Variants in B4GALT5 observed in about 807,000 individuals in gnomAD.
The protein encoded by B4GALT5 is beta-1,4-galactosyltransferase 5.
B4GALT5 carries 11 observed loss-of-function variants against 45.0 expected under a neutral mutation model. The ratio of observed to expected loss-of-function variants is 0.24; its 90% CI spans 0.15 to 0.40. The LOEUF (loss-of-function observed/expected upper bound fraction) is 0.40, where lower values mean the gene tolerates loss of function less well. Ranked by LOEUF, B4GALT5 falls within the 10% of genes least tolerant of loss-of-function variation. The probability of loss-of-function intolerance (pLI) is 1.00; values close to 1 mark genes in which losing one functional copy is unlikely to be tolerated. For synonymous variants in B4GALT5, 185 were observed against 182.9 expected (o/e 1.01, Z -0.09); for missense variants, 337 against 500.2 (o/e 0.67, Z 3.11).
At chr20:49,679,142 T>G (rs2085753498) in intron 1 of B4GALT5, among the ~76,000 whole-genome samples, 1 of 152,122 alleles carries the variant, frequency 6.6e-6, no homozygotes. Flanking sequence ...CTCAATAGAT[T>G]ATGGGAAATG....
chr20:49,696,631 T>C (rs1168943387), intron 1 of B4GALT5, among the ~76,000 whole-genome samples: 1 of 152,204 alleles, frequency 6.6e-6, no homozygotes, highest in African/African-American at 2.4e-5. Context: ...ATCCTTTTTC[T>C]CCCAGCCCAG....
intron 2 of B4GALT5, among the ~76,000 whole-genome samples, chr20:49,648,908 AT>A (rs908440776): frequency 6.6e-6 from 1 of 152,078 alleles, no homozygotes; most frequent in South Asian, 2.1e-4. Context: ...TATTGTTTTT[AT>A]TTTTTTCACA....
chr20:49,636,393 A>G lies in B4GALT5; in HGVS notation c.1086T>C (p.Phe362=). ...ACAAGGCGTCGTATGTGATGTTTGC[A>G]AAGTAGTTCAGGTTGTTGAGGCCAT... The part of the protein sequence containing the change: ...GLDGLNNLNY[F]ANITYDALYK... The change falls in exon 9 of 9, where the codon TTT becomes TTC. Residue 362 remains phenylalanine (F), a synonymous_variant. Transcript: ENST00000371711. The G allele has an allele frequency of 6.2e-7, 1 of 1,614,160 alleles. No individual in the cohort carries two copies. The highest frequency in any genetic ancestry group is 8.5e-7 in the Non-Finnish European group (1 of 1,180,028).
intron 1 of B4GALT5, among the ~76,000 whole-genome samples, chr20:49,681,437 C>G (rs2085763795): frequency 9.8e-6 from 1 of 102,400 alleles, no homozygotes; most frequent in Non-Finnish European, 2.1e-5. Flanking sequence ...GGCCCAGACC[C>G]TGGACTTCTC....
chr20:49,669,138 T>C (rs1280319093), intron 1 of B4GALT5, among the ~76,000 whole-genome samples: 1 of 152,012 alleles, frequency 6.6e-6, no homozygotes, highest in East Asian at 1.9e-4. Flanking sequence ...TGGGATTACA[T>C]GTGAGAGCCA....
intron 1 of B4GALT5, among the ~76,000 whole-genome samples, chr20:49,701,873 T>A (rs2085863448): frequency 6.6e-6 from 1 of 152,062 alleles, no homozygotes; most frequent in Admixed American, 6.5e-5. Context: ...AAGACCAGCC[T>A]GACCAAAATG....
chr20:49,680,339 G>T (rs530726355), intron 1 of B4GALT5, among the ~76,000 whole-genome samples: 1 of 152,040 alleles, frequency 6.6e-6, no homozygotes, highest in Non-Finnish European at 1.5e-5. Flanking sequence ...AATAAGACTC[G>T]ATATTAGAGG....
chr20:49,713,348 G>A lies in B4GALT5; in HGVS notation c.115+228C>T, dbSNP rs546442796. ...GGTTCGCGAGGGTGGCGTTAGGAGG[G>A]GCGGGGTGGGCCGGAGGCTGGCGCG... On this transcript the variant is annotated intron_variant, in intron 1 of 8. Transcript: ENST00000371711. 1.5e-4 allele frequency among the ~76,000 whole-genome samples: 23 copies of A among 152,114 alleles called. 1 individual carries two copies. In the East Asian group the frequency reaches 4.5e-3, roughly 30 times the overall value.
chr20:49,706,042 A>T (rs1335922537), intron 1 of B4GALT5, among the ~76,000 whole-genome samples: 3 of 150,818 alleles, frequency 2.0e-5, no homozygotes, highest in Non-Finnish European at 4.4e-5. Flanking sequence ...AAAAAAAAAA[A>T]TTAGCTGGGC....
Position 49,668,875 on chromosome 20 carries a change from T to C in B4GALT5, c.116-12173A>G, listed in dbSNP as rs78027952. ...GTGACACCCGCTCATACTAAGCTTT[T>C]TTTTTAGACAGTGTCTCGTCCTGTC... On this transcript the variant is annotated intron_variant, in intron 1 of 8. Transcript: ENST00000371711. Among the ~76,000 whole-genome samples, 1,085 of 152,242 alleles carry C rather than the reference T, an allele frequency of 7.1e-3. 10 individuals are homozygous for C. Among genetic ancestry groups the C allele is most frequent in the Non-Finnish European group, 0.011 (735 of 68,004 alleles).
chr20:49,647,176 T>C, intron 2 of B4GALT5, 98 bp from the exon 3 acceptor site: 3 of 721,660 alleles, frequency 4.2e-6, no homozygotes, highest in Non-Finnish European at 2.4e-6. Flanking sequence ...TTAGCTATCA[T>C]CTTGGTAGAA....
chr20:49,643,429 G>T, intron 4 of B4GALT5, 97 bp downstream of exon 4: 1 of 1,479,636 alleles, frequency 6.8e-7, no homozygotes, highest in Non-Finnish European at 9.2e-7. Flanking sequence ...GGATGAAAAT[G>T]ACAAAATGTC....
intron 1 of B4GALT5, among the ~76,000 whole-genome samples, chr20:49,665,455 A>G (rs1341383902): frequency 1.4e-5 from 2 of 139,636 alleles, no homozygotes; most frequent in Admixed American, 7.1e-5. Context: ...AATAATAATA[A>G]TAATAATAAT....
intron 1 of B4GALT5, among the ~76,000 whole-genome samples, chr20:49,686,172 A>G (rs1421591963): frequency 1.3e-5 from 2 of 152,248 alleles, no homozygotes; most frequent in African/African-American, 2.4e-5. Flanking sequence ...GTGTCATGCC[A>G]TTCAAAATTG....
rs1450690918 is a variant in B4GALT5, at chr20:49,663,677, A to AAAAAAAAAG, written c.116-6976_116-6975insCTTTTTTTT. Among the ~76,000 whole-genome samples, 16 of 65,308 alleles carry AAAAAAAAAG rather than the reference A, an allele frequency of 2.4e-4. 2 individuals are homozygous for AAAAAAAAAG. Among genetic ancestry groups the AAAAAAAAAG allele is most frequent in the African/African-American group, 1.0e-3 (15 of 14,722 alleles). The allele number at this position is 65,308 out of a possible 152,430, so 42.8% of individuals were successfully genotyped here. ...AACATAGTGAGAATTCATCTCAAGAAAAAAAAAAAAAAAATATATACATAT... is the reference window on the plus strand; with the variant it reads ...AACATAGTGAGAATTCATCTCAAGAAAAAAAAAAGAAAAAAAAAAAAAATATATACATAT... On this transcript the variant is annotated intron_variant, in intron 1 of 8. Coordinates refer to ENST00000371711, the MANE Select transcript of B4GALT5 (RefSeq NM_004776.4).
intron 5 of B4GALT5, among the ~76,000 whole-genome samples, chr20:49,641,214 A>G (rs2085575864): frequency 6.6e-6 from 1 of 152,230 alleles, no homozygotes; most frequent in Admixed American, 6.5e-5. Flanking sequence ...AAGGCTACTG[A>G]AGGCAGAAAT....
At position 49,652,607 on chromosome 20, in the gene B4GALT5, T is replaced by C. The variant is rs139194673; in HGVS notation, c.250+3961A>G. Reference sequence around the variant, plus strand: ...CACACCAGCATGACTTTACTCACTCTGCAGATTCACAATCTCACAAACCAA... The same window carrying C: ...CACACCAGCATGACTTTACTCACTCCGCAGATTCACAATCTCACAAACCAA... On this transcript the variant is annotated intron_variant, in intron 2 of 8. Transcript: ENST00000371711. 2.0e-5 allele frequency among the ~76,000 whole-genome samples: 3 copies of C among 151,816 alleles called. No homozygotes were observed. The East Asian group carries it at 5.9e-4, about 30-fold the overall frequency.
At chr20:49,710,405 C>CTTTTTTTT (rs751939911) in intron 1 of B4GALT5, among the ~76,000 whole-genome samples, 1 of 102,470 alleles carries the variant, frequency 9.8e-6, no homozygotes, top group African/African-American at 3.5e-5. Context: ...TTTTCTCTCT[C>CTTTTTTTT]TTTTTTTTTT....
intron 1 of B4GALT5, among the ~76,000 whole-genome samples, chr20:49,701,351 T>C (rs979015195): frequency 1.3e-5 from 2 of 152,052 alleles, no homozygotes; most frequent in South Asian, 2.1e-4. Flanking sequence ...GAAAAAAAAA[T>C]ATGTATCAAA....
Sources: allele counts gnomAD v4.1 joint callset (sites outside exome capture counted in the v4.1 genomes callset), GRCh38; gene constraint gnomAD v4.1.1; transcripts MANE v1.5; gene names NCBI Gene and HGNC (gene_info 2026-07-23, HGNC 2026-07-21).